Variants in POLR3B observed in about 807,000 individuals in gnomAD.
POLR3B encodes the protein DNA-directed RNA polymerase III subunit RPC2.
In POLR3B, 96 loss-of-function variants were observed where a neutral mutation model predicts 147.4. That is an observed-to-expected ratio of 0.65 (90% CI 0.55 to 0.77). The LOEUF (loss-of-function observed/expected upper bound fraction) is 0.77. Among genes scored for constraint, POLR3B ranks in the 30% least tolerant of loss-of-function variants. POLR3B has a pLI of 0.00. For missense variants in POLR3B, 1,036 were observed against 1,413.5 expected (o/e 0.73, Z 4.28); for synonymous variants, 461 against 485.9 (o/e 0.95, Z 0.67).
At chr12:106,482,016 C>T (rs1035307560) in intron 23 of POLR3B, among the ~76,000 whole-genome samples, 6 of 152,132 alleles carry the variant, frequency 3.9e-5, no homozygotes, top group Non-Finnish European at 2.9e-5. Context: ...AAAGCTCACA[C>T]CCTGAGAATT....
intron 4 of POLR3B, 120 bp from the exon 5 acceptor site, chr12:106,369,155 C>A: frequency 1.3e-6 from 1 of 747,440 alleles, no homozygotes; most frequent in Non-Finnish European, 2.5e-6. Context: ...TTTAATTTGT[C>A]ATCCTTACCA....
At chr12:106,440,085 TCC>T (rs1215327533) in intron 18 of POLR3B, among the ~76,000 whole-genome samples, 1 of 152,062 alleles carries the variant, frequency 6.6e-6, no homozygotes, top group Non-Finnish European at 1.5e-5. Context: ...TAGATATGTA[TCC>T]TGAGTATAAA....
At chr12:106,489,390 T>C (rs2038380780) in intron 23 of POLR3B, among the ~76,000 whole-genome samples, 1 of 152,238 alleles carries the variant, frequency 6.6e-6, no homozygotes, top group African/African-American at 2.4e-5. Context: ...TAAAATCGTT[T>C]GGAAGATTCA....
In POLR3B at chr12:106,509,581, G is replaced by A; in HGVS notation, c.*32G>A. The A allele has an allele frequency of 1.3e-6, 2 of 1,592,068 alleles. No individual in the cohort carries two copies. Among genetic ancestry groups the A allele is most frequent in the Non-Finnish European group, 1.7e-6 (2 of 1,161,722 alleles). On this transcript the variant is annotated 3_prime_UTR_variant, in exon 28 of 28. Coordinates refer to ENST00000228347, the MANE Select transcript of POLR3B (RefSeq NM_018082.6). Reference sequence around the variant, plus strand: ...AAAAAATGATTATTAAAGAGAACAAGTGATACATCCAATGCAACGGAAAGC... The same window carrying A: ...AAAAAATGATTATTAAAGAGAACAAATGATACATCCAATGCAACGGAAAGC...
chr12:106,432,054 G>A (rs1050579474), intron 14 of POLR3B, among the ~76,000 whole-genome samples: 3 of 151,764 alleles, frequency 2.0e-5, no homozygotes, highest in South Asian at 2.1e-4. Context: ...GATGTCGTCA[G>A]CATTTACAAT....
At chr12:106,387,380 C>T (rs947653859) in intron 9 of POLR3B, among the ~76,000 whole-genome samples, 10 of 152,150 alleles carry the variant, frequency 6.6e-5, no homozygotes, top group Non-Finnish European at 1.2e-4. Flanking sequence ...TACTCTTAAA[C>T]ACAACCCTAG....
intron 12 of POLR3B, among the ~76,000 whole-genome samples, chr12:106,416,420 T>A (rs1185319369): frequency 6.6e-6 from 1 of 152,198 alleles, no homozygotes; most frequent in African/African-American, 2.4e-5. Context: ...GTGCCTTCTC[T>A]TGTTCTTGGC....
chr12:106,477,538 C>T (rs1187509878), intron 23 of POLR3B, among the ~76,000 whole-genome samples: 11 of 151,540 alleles, frequency 7.3e-5, no homozygotes, highest in Admixed American at 3.3e-4. Flanking sequence ...TAGGACCCTC[C>T]GAGCCAGGTG....
At chr12:106,461,223 A>G (rs2037929820) in intron 22 of POLR3B, among the ~76,000 whole-genome samples, 1 of 151,982 alleles carries the variant, frequency 6.6e-6, no homozygotes, top group Non-Finnish European at 1.5e-5. Context: ...CCTCCCGAGT[A>G]GCTGGGACTA....
chr12:106,416,459 G>C (rs1445671861), intron 12 of POLR3B, among the ~76,000 whole-genome samples: 2 of 151,708 alleles, frequency 1.3e-5, no homozygotes, highest in African/African-American at 4.8e-5. Context: ...GGAGGCTCTG[G>C]CCATGTGCCT....
intron 23 of POLR3B, among the ~76,000 whole-genome samples, chr12:106,471,553 C>G (rs993574879): frequency 6.6e-6 from 1 of 151,998 alleles, no homozygotes; most frequent in Non-Finnish European, 1.5e-5. Flanking sequence ...GCATCAATCT[C>G]CCTGGGAGCT....
At chr12:106,361,417 A>G (rs1226620601) in intron 1 of POLR3B, among the ~76,000 whole-genome samples, 1 of 152,196 alleles carries the variant, frequency 6.6e-6, no homozygotes, top group African/African-American at 2.4e-5. Flanking sequence ...AGCTGGGGGA[A>G]GATTTAATTT....
intron 10 of POLR3B, among the ~76,000 whole-genome samples, chr12:106,401,281 T>C (rs1423255514): frequency 6.6e-6 from 1 of 152,124 alleles, no homozygotes; most frequent in Non-Finnish European, 1.5e-5. Flanking sequence ...CAGGAAAAAG[T>C]TGAATCTCTG....
chr12:106,372,233 C>G (rs1205817401), intron 6 of POLR3B, among the ~76,000 whole-genome samples: 1 of 152,048 alleles, frequency 6.6e-6, no homozygotes, highest in Non-Finnish European at 1.5e-5. Flanking sequence ...CCCTCCTTCT[C>G]TCCCCTTCCT....
Position 106,459,261 on chromosome 12 carries a change from A to G in POLR3B, c.2463A>G (p.Val821=), listed in dbSNP as rs34681274. The change falls in exon 22 of 28, where the codon GTA becomes GTG. Residue 821 remains valine (V), a synonymous_variant. Coordinates refer to ENST00000228347, the MANE Select transcript of POLR3B (RefSeq NM_018082.6). ...TTCTTTTTTTCTCAGGTGAGAAAGT[A>G]GAAAACAAACAAGTGCTTGTAAATA... ...ADGICSPGEK[V]ENKQVLVNKS... is the part of the protein sequence containing the mutation. 1.3e-6 allele frequency: 2 copies of G among 1,587,020 alleles called. No individual in the cohort carries two copies. Among genetic ancestry groups the G allele is most frequent in the Admixed American group, 1.7e-5 (1 of 59,978 alleles).
rs1275004801 is a variant in POLR3B, at chr12:106,474,820, C to G, written c.2713+11200C>G. On this transcript the variant is annotated intron_variant, in intron 23 of 27. Coordinates refer to ENST00000228347, the MANE Select transcript of POLR3B (RefSeq NM_018082.6). ...GTTGATCCTTTCAAAAAACCAGCTC[C>G]TGGATCCATTGATTTTTTGAAGGGT... is the stretch of plus-strand genomic sequence containing the variant. Among the ~76,000 whole-genome samples, 3 of 151,986 alleles carry G rather than the reference C, an allele frequency of 2.0e-5. No homozygotes were observed. In the East Asian group the frequency reaches 5.8e-4, roughly 29 times the overall value.
intron 27 of POLR3B, chr12:106,507,750 C>G (rs1162907323): frequency 4.4e-6 from 2 of 455,924 alleles, no homozygotes; most frequent in African/African-American, 2.0e-5. Flanking sequence ...TCAGGAAACT[C>G]TGTCTGCATA....
intron 12 of POLR3B, among the ~76,000 whole-genome samples, chr12:106,426,202 G>T (rs1206578815): frequency 6.6e-6 from 1 of 150,506 alleles, no homozygotes; most frequent in Non-Finnish European, 1.5e-5. Flanking sequence ...GCTGGAAATT[G>T]TAAGGGCAGG....
intron 10 of POLR3B, among the ~76,000 whole-genome samples, chr12:106,404,685 C>A: frequency 6.6e-6 from 1 of 152,038 alleles, no homozygotes; most frequent in East Asian, 1.9e-4. Context: ...TATGTATTTT[C>A]TCCCAGTCCA....
Sources: gnomAD v4.1 joint callset for allele counts (sites outside exome capture counted in the v4.1 genomes callset) on GRCh38, gnomAD v4.1.1 for gene constraint, MANE v1.5 for transcripts, NCBI Gene and HGNC (gene_info 2026-07-23, HGNC 2026-07-21) for gene names.